The following RYR2 variants were observed in gnomAD, a reference collection of about 807,000 sequenced individuals.
RYR2 encodes the protein cardiac muscle ryanodine receptor-calcium release channel.
In RYR2, 227 loss-of-function variants were observed where a neutral mutation model predicts 601.1. The observed-to-expected ratio is 0.38, with a 90% CI of 0.34 to 0.42. The LOEUF is 0.42. RYR2 is among the 10% of genes least tolerant of loss of function. The pLI is 1.00. For synonymous variants in RYR2, 2,223 were observed against 2,175.1 expected (o/e 1.02, Z -0.61); for missense variants, 4,646 against 6,156.5 (o/e 0.75, Z 8.21).
intron 23 of RYR2, among the ~76,000 whole-genome samples, chr1:237,509,267 C>G (rs1055295439): frequency 7.9e-5 from 12 of 152,172 alleles, no homozygotes; most frequent in African/African-American, 2.9e-4. Flanking sequence ...CAGTCTGCTT[C>G]TTTTCCAAGA....
chr1:237,761,623 T>C (rs139278385), intron 84 of RYR2, among the ~76,000 whole-genome samples: 1,696 of 152,324 alleles, frequency 0.011, 17 homozygotes, highest in Middle Eastern at 0.02. Context: ...TCTCTCTAAA[T>C]AGATGCTGGT....
At chr1:237,415,652 G>A (rs1208560614) in intron 10 of RYR2, among the ~76,000 whole-genome samples, 4 of 152,162 alleles carry the variant, frequency 2.6e-5, no homozygotes, top group Non-Finnish European at 5.9e-5. Flanking sequence ...GGTACAGACT[G>A]ATTATCACCA....
At chr1:237,144,635 G>T (rs1673780940) in intron 1 of RYR2, among the ~76,000 whole-genome samples, 1 of 152,112 alleles carries the variant, frequency 6.6e-6, no homozygotes, top group African/African-American at 2.4e-5. Flanking sequence ...CTAAGAAAAA[G>T]GATGGGCAAC....
Position 237,264,189 on chromosome 1 carries a change from C to T in RYR2, c.49-6308C>T, listed in dbSNP as rs143478134. Among the ~76,000 whole-genome samples, 30 of 152,232 alleles carry T rather than the reference C, an allele frequency of 2.0e-4. 1 individual carries two copies. Among genetic ancestry groups the T allele is most frequent in the South Asian group, 1.7e-3 (8 of 4,816 alleles). On this transcript the variant is annotated intron_variant, in intron 1 of 104. Coordinates refer to ENST00000366574, the MANE Select transcript of RYR2 (RefSeq NM_001035.3). ...CCATTATATCCCCCTCTTCCACTGT[C>T]GCCACCCCTGCTATCCCTAAGCTTT...
At chr1:237,350,155 C>T (rs1210067945) in intron 3 of RYR2, among the ~76,000 whole-genome samples, 1 of 151,978 alleles carries the variant, frequency 6.6e-6, no homozygotes, top group East Asian at 1.9e-4. Context: ...TTATTAACTG[C>T]AATTGTATGC....
At chr1:237,680,397 C>A in intron 61 of RYR2, 59 bp from the exon 62 acceptor site, 2 of 1,496,450 alleles carry the variant, frequency 1.3e-6, no homozygotes, top group Non-Finnish European at 1.8e-6. Flanking sequence ...AGCCTCAGCT[C>A]CCATTCATCC....
chr1:237,567,021 C>G (rs1245170634), intron 28 of RYR2, among the ~76,000 whole-genome samples: 9 of 152,130 alleles, frequency 5.9e-5, no homozygotes, highest in Non-Finnish European at 1.2e-4. Flanking sequence ...CTTTGTCTAT[C>G]AAAATGTTAA....
At chr1:237,628,441 A>G (rs531676002) in intron 41 of RYR2, among the ~76,000 whole-genome samples, 4 of 147,160 alleles carry the variant, frequency 2.7e-5, no homozygotes, top group African/African-American at 1.0e-4. Context: ...ACATTGTTCA[A>G]TTCCCACCTA....
chr1:237,131,857 A>C (rs1452320555), intron 1 of RYR2, among the ~76,000 whole-genome samples: 6 of 152,082 alleles, frequency 3.9e-5, no homozygotes, highest in Middle Eastern at 3.4e-3. Context: ...AGTAGCTGGC[A>C]CTACTGGCAT....
At chr1:237,441,213 G>A (rs1004744016) in intron 12 of RYR2, 106 bp from the exon 13 acceptor site, 7 of 1,189,824 alleles carry the variant, frequency 5.9e-6, no homozygotes, top group Middle Eastern at 2.3e-4. Flanking sequence ...GGACTTCAGA[G>A]GGCTGAATTT....
At chr1:237,418,030 T>C (rs1177642578) in intron 11 of RYR2, among the ~76,000 whole-genome samples, 10 of 152,088 alleles carry the variant, frequency 6.6e-5, no homozygotes, top group East Asian at 1.9e-4. Flanking sequence ...AGTATAACTA[T>C]ATTTAATTAA....
At chr1:237,273,836 T>C (rs1001142213) in intron 2 of RYR2, among the ~76,000 whole-genome samples, 3 of 148,898 alleles carry the variant, frequency 2.0e-5, no homozygotes, top group Admixed American at 6.7e-5. Flanking sequence ...AAAAGAGATA[T>C]ATAAAAATAT....
At chr1:237,340,344 T>C (rs1276913303) in intron 3 of RYR2, among the ~76,000 whole-genome samples, 1 of 152,182 alleles carries the variant, frequency 6.6e-6, no homozygotes, top group Non-Finnish European at 1.5e-5. Context: ...GGGACAGGTA[T>C]GAATAACAAT....
chr1:237,179,715 G>T (rs1678487004), intron 1 of RYR2, among the ~76,000 whole-genome samples: 1 of 152,062 alleles, frequency 6.6e-6, no homozygotes, highest in Non-Finnish European at 1.5e-5. Context: ...CGTTGCTGAT[G>T]GTGCTCTGGG....
At chr1:237,280,854 G>A (rs952934069) in intron 2 of RYR2, among the ~76,000 whole-genome samples, 2 of 150,480 alleles carry the variant, frequency 1.3e-5, no homozygotes, top group Admixed American at 1.3e-4. Flanking sequence ...GTGCAATCTC[G>A]GCTCACTGCA....
At chr1:237,193,138 T>C (rs1187786444) in intron 1 of RYR2, among the ~76,000 whole-genome samples, 39 of 125,642 alleles carry the variant, frequency 3.1e-4, no homozygotes, top group East Asian at 1.2e-3. Context: ...CTGGCTAACA[T>C]GGTGAAACCT....
chr1:237,608,460 T>C (rs1396731250), intron 35 of RYR2, among the ~76,000 whole-genome samples: 1 of 152,098 alleles, frequency 6.6e-6, no homozygotes, highest in Non-Finnish European at 1.5e-5. Flanking sequence ...CCCAGCACTT[T>C]GGGAGGAAGG....
chr1:237,115,824 T>C (rs2148615532), intron 1 of RYR2, among the ~76,000 whole-genome samples: 1 of 152,132 alleles, frequency 6.6e-6, no homozygotes, highest in East Asian at 1.9e-4. Flanking sequence ...TAAAAATCTT[T>C]TAAATAATTT....
rs1043523829 is a variant in RYR2, at chr1:237,590,805, G to C, written c.3973G>C (p.Ala1325Pro). 1.2e-6 allele frequency: 2 copies of C among 1,613,772 alleles called. No individual in the cohort carries two copies. Among genetic ancestry groups the C allele is most frequent in the African/African-American group, 1.3e-5 (1 of 74,878 alleles). ...SKTVAGGLPG[A>P]GLFGPKNDLE... ...GACGGTGGCTGGAGGGCTCCCTGGGGCTGGCCTTTTTGGGCCCAAGAATGA... is the reference window on the plus strand; with the variant it reads ...GACGGTGGCTGGAGGGCTCCCTGGGCCTGGCCTTTTTGGGCCCAAGAATGA... The change falls in exon 31 of 105, where the codon GCT becomes CCT. Residue 1325 changes from alanine (A) to proline (P), a missense_variant. Ala to Pro is a conservative substitution (Grantham distance 27). Transcript: ENST00000366574.
Sources: gnomAD v4.1 joint callset for allele counts (sites outside exome capture counted in the v4.1 genomes callset) on GRCh38, gnomAD v4.1.1 for gene constraint, MANE v1.5 for transcripts, NCBI Gene and HGNC (gene_info 2026-07-23, HGNC 2026-07-21) for gene names.